Variants in PREX1 observed in about 807,000 individuals in gnomAD.
PREX1 encodes the protein phosphatidylinositol 3,4,5-trisphosphate-dependent Rac exchanger 1 protein.
PREX1 carries 41 observed loss-of-function variants against 198.3 expected under a neutral mutation model. The observed-to-expected ratio is 0.21, with a 90% CI of 0.16 to 0.27. PREX1 has a LOEUF of 0.27. Ranked by LOEUF, PREX1 falls within the 10% of genes least tolerant of loss-of-function variation. PREX1 has a pLI of 1.00. For missense variants in PREX1, 1,620 were observed against 2,200.7 expected (o/e 0.74, Z 5.28); for synonymous variants, 843 against 887.2 (o/e 0.95, Z 0.89).
intron 5 of PREX1, among the ~76,000 whole-genome samples, chr20:48,725,606 G>A (rs2090006322): frequency 6.6e-6 from 1 of 152,220 alleles, no homozygotes; most frequent in Non-Finnish European, 1.5e-5. Context: ...TTGGTCACGT[G>A]GGGTTCATCT....
In PREX1 at chr20:48,690,980, C is replaced by T; in HGVS notation, c.1153G>A (p.Asp385Asn). The T allele has an allele frequency of 6.2e-7, 1 of 1,614,208 alleles. No homozygotes were observed. Among genetic ancestry groups the T allele is most frequent in the South Asian group, 1.1e-5 (1 of 91,082 alleles). Residue 385 changes from aspartate to asparagine, a missense_variant, in exon 9 of 40, where the codon GAT (aspartate) becomes AAT (asparagine). Physicochemically the swap from Asp to Asn is conservative, Grantham distance 23. Transcript: ENST00000371941. ...TGCTCCCGCTCGCGGATGATGGCAT[C>T]CAGCCACTTCTGCTTCTCCTCTGCC... is the stretch of plus-strand genomic sequence containing the variant. ...KTAEEKQKWL[D>N]AIIREREQRE... is the part of the protein sequence containing the mutation.
intron 9 of PREX1, among the ~76,000 whole-genome samples, chr20:48,690,167 C>T (rs1273751140): frequency 6.6e-6 from 1 of 152,124 alleles, no homozygotes; most frequent in Non-Finnish European, 1.5e-5. Context: ...TACGACACCT[C>T]CAAGTGGCAA....
upstream of PREX1, among the ~76,000 whole-genome samples, chr20:48,828,486 A>G (rs1285358957): frequency 2.6e-5 from 4 of 152,018 alleles, no homozygotes; most frequent in Non-Finnish European, 4.4e-5. Context: ...CAGCCCCGCC[A>G]CGCGCGCCTC....
At chr20:48,763,925 T>G (rs1189798777) in intron 1 of PREX1, among the ~76,000 whole-genome samples, 1 of 152,132 alleles carries the variant, frequency 6.6e-6, no homozygotes, top group Admixed American at 6.5e-5. Context: ...CTAGACAATC[T>G]CATCTCCATT....
intron 1 of PREX1, among the ~76,000 whole-genome samples, chr20:48,753,278 C>T (rs1201085106): frequency 6.6e-6 from 1 of 152,182 alleles, no homozygotes; most frequent in Non-Finnish European, 1.5e-5. Flanking sequence ...AGACACTGGT[C>T]TGAGGTCAAA....
the PREX1 span, among the ~76,000 whole-genome samples, chr20:48,834,106 A>G: frequency 6.6e-6 from 1 of 151,882 alleles, no homozygotes; most frequent in Non-Finnish European, 1.5e-5. Flanking sequence ...AAAAAAATGC[A>G]AATGCCTCAG....
chr20:48,876,227 C>T, the PREX1 span, among the ~76,000 whole-genome samples: 1,961 of 152,244 alleles, frequency 0.013, 41 homozygotes, highest in African/African-American at 0.045. Context: ...AGGCTCCCAC[C>T]CAAGACTGCT....
chr20:48,700,488 ATT>A (rs1234074147), intron 7 of PREX1, among the ~76,000 whole-genome samples: 1 of 152,210 alleles, frequency 6.6e-6, no homozygotes, highest in Non-Finnish European at 1.5e-5. Flanking sequence ...TGAATAAAAT[ATT>A]CTCATATTTG....
chr20:48,840,826 GTATT>G, the PREX1 span, among the ~76,000 whole-genome samples: 2 of 152,226 alleles, frequency 1.3e-5, no homozygotes, highest in East Asian at 1.9e-4. Flanking sequence ...CCTTATTTAT[GTATT>G]TATTTATTTA....
chr20:48,752,007 G>A (rs143085697), intron 1 of PREX1, among the ~76,000 whole-genome samples: 211 of 152,288 alleles, frequency 1.4e-3, no homozygotes, highest in African/African-American at 4.7e-3. Flanking sequence ...GGGATGAGGA[G>A]GCTCTTGGGG....
At chr20:48,862,709 A>G in the PREX1 span, among the ~76,000 whole-genome samples, 2 of 149,498 alleles carry the variant, frequency 1.3e-5, no homozygotes, top group African/African-American at 4.9e-5. Flanking sequence ...TGGAAACAAC[A>G]CTGCCTGTAT....
Position 48,627,933 on chromosome 20 carries a change from C to T in PREX1, c.4797G>A (p.Ala1599=), listed in dbSNP as rs760782732. ...ACCCGTGGCTCCGTGCCAAGATGGC[C>T]GCCTGCTCCAGGGACACGCTCAGGG... ...RSTLSVSLEQ[A]AILARSHGLL... The change falls in exon 38 of 40, where the codon GCG becomes GCA. Residue 1599 remains alanine, a synonymous_variant. Coordinates refer to ENST00000371941, the MANE Select transcript of PREX1 (RefSeq NM_020820.4). 1.2e-5 allele frequency: 19 copies of T among 1,611,744 alleles called. No homozygotes were observed. The highest frequency in any genetic ancestry group is 2.2e-5 in the East Asian group (1 of 44,842).
chr20:48,657,072 A>G lies in PREX1; in HGVS notation c.2091T>C (p.Pro697=), dbSNP rs1202897113. Residue 697 remains proline (P), a synonymous_variant, in exon 18 of 40, where the codon CCT becomes CCC. Coordinates refer to ENST00000371941, the MANE Select transcript of PREX1 (RefSeq NM_020820.4). Reference sequence around the variant, plus strand: ...CCTTCGTGGCCACCAGGAGGCGCAGAGGGCGGCGGGAGCAGAAGGACTGGT... The same window carrying G: ...CCTTCGTGGCCACCAGGAGGCGCAGGGGGCGGCGGGAGCAGAAGGACTGGT... ...ILNQSFCSRR[P]LRLLVATKAK... 6.2e-7 allele frequency: 1 copy of G among 1,604,428 alleles called. No individual in the cohort carries two copies. Among genetic ancestry groups the G allele is most frequent in the East Asian group, 2.2e-5 (1 of 44,576 alleles).
chr20:48,634,258 CAG>C (rs1490625784), intron 33 of PREX1, among the ~76,000 whole-genome samples: 2 of 151,146 alleles, frequency 1.3e-5, no homozygotes, highest in South Asian at 2.1e-4. Flanking sequence ...GAGAGAAAGA[CAG>C]AAAGAAAAAG....
chr20:48,627,501 C>T (rs760306454), intron 39 of PREX1, 47 bp downstream of exon 39: 6 of 1,603,016 alleles, frequency 3.7e-6, no homozygotes, highest in South Asian at 2.2e-5. Context: ...AGGCCTGGGT[C>T]GCCAGCTGGG....
rs920018917 is a variant in PREX1, at chr20:48,691,493, A to C, written c.1037-397T>G. 3.3e-5 allele frequency among the ~76,000 whole-genome samples: 5 copies of C among 152,168 alleles called. No homozygotes were observed. Among genetic ancestry groups the C allele is most frequent in the Non-Finnish European group, 5.9e-5 (4 of 68,022 alleles). On this transcript the variant is annotated intron_variant, in intron 8 of 39. Transcript: ENST00000371941. This position sits in a 1 kb window ranked among gnomAD's most constrained non-coding sequence, Gnocchi z 5.0. ...CAAGTCAAACGTGGGACCCTTACCCAGTGCTGGCTGGGATGGGACCTGGAA... is the reference window on the plus strand; with the variant it reads ...CAAGTCAAACGTGGGACCCTTACCCCGTGCTGGCTGGGATGGGACCTGGAA...
chr20:48,862,780 T>TA, the PREX1 span, among the ~76,000 whole-genome samples: 1,646 of 99,240 alleles, frequency 0.017, 50 homozygotes, highest in Non-Finnish European at 0.025. Context: ...TAAAAAAGCC[T>TA]AAAAAAAAAA....
the PREX1 span, among the ~76,000 whole-genome samples, chr20:48,833,392 A>C: frequency 6.6e-6 from 1 of 152,074 alleles, no homozygotes; most frequent in Admixed American, 6.5e-5. Context: ...AAAAGATAAT[A>C]AAATGTATAA....
intron 1 of PREX1, among the ~76,000 whole-genome samples, chr20:48,780,325 T>C (rs2090282856): frequency 1.3e-5 from 2 of 152,038 alleles, no homozygotes; most frequent in African/African-American, 4.8e-5. Flanking sequence ...AGTAAAGAAA[T>C]GCTCAAAAGA....
Sources: allele counts gnomAD v4.1 joint callset (sites outside exome capture counted in the v4.1 genomes callset), GRCh38; gene constraint gnomAD v4.1.1; non-coding constraint Gnocchi (gnomAD v3.1); transcripts MANE v1.5; gene names NCBI Gene and HGNC (gene_info 2026-07-23, HGNC 2026-07-21).